TRPM6: variants seen among roughly 807,000 people sequenced by gnomAD.
TRPM6 encodes the protein channel kinase 2.
Under a neutral mutation model 247.6 loss-of-function variants are expected in TRPM6, and 111 were observed. That is an observed-to-expected ratio of 0.45 (90% CI 0.38 to 0.52). The LOEUF (loss-of-function observed/expected upper bound fraction) is 0.52, where lower values mean the gene tolerates loss of function less well. TRPM6 is among the 20% of genes least tolerant of loss of function. The pLI, the probability that TRPM6 is intolerant of heterozygous loss-of-function variation, is 0.00. For missense variants in TRPM6, 2,126 were observed against 2,421.5 expected (o/e 0.88, Z 2.56); for synonymous variants, 892 against 853.8 (o/e 1.04, Z -0.78).
chr9:74,776,094 A>G lies in TRPM6; in HGVS notation c.3210-18T>C. 6.3e-7 allele frequency: 1 copy of G among 1,599,206 alleles called. No individual in the cohort carries two copies. Among genetic ancestry groups the G allele is most frequent in the Non-Finnish European group, 8.6e-7 (1 of 1,166,546 alleles). ...AAACGTTGCTGTAAGATGAAGTAAG[A>G]GAGGGACAATGTTTTAATATGAAGT... is the stretch of plus-strand genomic sequence containing the variant. On this transcript the variant is annotated intron_variant, in intron 23 of 38. Coordinates refer to ENST00000360774, the MANE Select transcript of TRPM6 (RefSeq NM_017662.5).
chr9:74,764,040 C>T (rs978812294), intron 25 of TRPM6, among the ~76,000 whole-genome samples: 1 of 151,404 alleles, frequency 6.6e-6, no homozygotes, highest in African/African-American at 2.4e-5. Context: ...ATCCCTGCTA[C>T]TCAGGAGACT....
intron 4 of TRPM6, among the ~76,000 whole-genome samples, chr9:74,841,464 T>C (rs1829936230): frequency 1.3e-5 from 2 of 152,086 alleles, no homozygotes; most frequent in South Asian, 2.1e-4. Flanking sequence ...CTCCAGAACA[T>C]GACAGTAATT....
intron 1 of TRPM6, among the ~76,000 whole-genome samples, chr9:74,882,767 T>C (rs1831403567): frequency 6.6e-6 from 1 of 152,216 alleles, no homozygotes; most frequent in Non-Finnish European, 1.5e-5. Context: ...TGAGTATTCA[T>C]CCAGCTGAAA....
intron 21 of TRPM6, among the ~76,000 whole-genome samples, chr9:74,784,774 G>T (rs1277959955): frequency 6.6e-6 from 1 of 152,124 alleles, no homozygotes; most frequent in Non-Finnish European, 1.5e-5. Context: ...GTGGTTATAT[G>T]GAAGGCAGTG....
intron 14 of TRPM6, among the ~76,000 whole-genome samples, chr9:74,804,251 T>C (rs896431159): frequency 2.6e-5 from 4 of 152,146 alleles, no homozygotes; most frequent in African/African-American, 9.7e-5. Context: ...TTTACAGTTC[T>C]GATAAGAAAA....
chr9:74,885,937 T>C (rs1448458336), intron 1 of TRPM6, among the ~76,000 whole-genome samples: 1 of 152,000 alleles, frequency 6.6e-6, no homozygotes, highest in Non-Finnish European at 1.5e-5. Flanking sequence ...GTGAGAAATT[T>C]GAAAAAGAAG....
chr9:74,836,631 T>G (rs764906195), intron 5 of TRPM6, among the ~76,000 whole-genome samples: 1 of 152,236 alleles, frequency 6.6e-6, no homozygotes, highest in African/African-American at 2.4e-5. Flanking sequence ...AAACCCAATT[T>G]GACCATGTTA....
At chr9:74,738,729 C>T in intron 35 of TRPM6, 117 bp from the exon 36 acceptor site, 1 of 871,088 alleles carries the variant, frequency 1.1e-6, no homozygotes, top group South Asian at 1.4e-5. Context: ...AGCCTCAATG[C>T]ACATGCCCTT....
At chr9:74,807,166 T>C (rs938549354) in intron 14 of TRPM6, among the ~76,000 whole-genome samples, 4 of 152,318 alleles carry the variant, frequency 2.6e-5, no homozygotes, top group Non-Finnish European at 5.9e-5. Context: ...TCACGTCACT[T>C]GATTCTTTAT....
rs1060499646 is a variant in TRPM6, at chr9:74,792,667, T to A, written c.2495A>T (p.Tyr832Phe). 2 of 1,614,008 alleles carry A rather than the reference T, an allele frequency of 1.2e-6. No homozygotes were observed. The highest frequency in any genetic ancestry group is 2.7e-5 in the African/African-American group (2 of 74,926). The change falls in exon 19 of 39, where the codon TAT (tyrosine) becomes TTT (phenylalanine). Residue 832 changes from tyrosine to phenylalanine, a missense_variant. This residue lies in a region of TRPM6 where 1,082 missense variants were observed against 1,307.9 expected (regional missense o/e 0.83). Transcript: ENST00000360774. ...HQHLPWTRKV[Y>F]EFYSAPIVKF... ...GACAATTGGAGCACTGTAGAACTCA[T>A]AGACTTTCCTGGTCCACGGAAGGTG...
intron 24 of TRPM6, among the ~76,000 whole-genome samples, chr9:74,773,500 C>G (rs1015207277): frequency 5.9e-5 from 9 of 152,220 alleles, no homozygotes; most frequent in African/African-American, 2.2e-4. Context: ...AAGGCTAACA[C>G]AATTCTTCAT....
At chr9:74,814,474 C>T (rs11144093) in intron 11 of TRPM6, among the ~76,000 whole-genome samples, 7,571 of 152,022 alleles carry the variant, frequency 0.05, 600 homozygotes, top group African/African-American at 0.17. Flanking sequence ...TAACAAAGGA[C>T]AAATGCTTGA....
At chr9:74,788,213 T>C (rs1335814495) in intron 20 of TRPM6, among the ~76,000 whole-genome samples, 1 of 151,982 alleles carries the variant, frequency 6.6e-6, no homozygotes, top group Non-Finnish European at 1.5e-5. Context: ...TTAGATGAAA[T>C]TGATAATATG....
chr9:74,755,341 G>A lies in TRPM6; in HGVS notation c.4906+12C>T. On this transcript the variant is annotated intron_variant, in intron 28 of 38. Transcript: ENST00000360774. ...AGGGTTTTTGGGATCCAAAATTGTA[G>A]ATGTTACATACCTGTGTGACTAAAT... 6.2e-7 allele frequency: 1 copy of A among 1,613,880 alleles called. No individual in the cohort carries two copies. Among genetic ancestry groups the A allele is most frequent in the Non-Finnish European group, 8.5e-7 (1 of 1,179,928 alleles).
intron 5 of TRPM6, among the ~76,000 whole-genome samples, chr9:74,837,720 A>C (rs1207888726): frequency 6.7e-6 from 1 of 149,386 alleles, no homozygotes; most frequent in Non-Finnish European, 1.5e-5. Context: ...TGTTGGGATT[A>C]CAGGTGTGAG....
Position 74,724,549 on chromosome 9 carries a change from T to A in TRPM6, c.*64A>T. The stretch of plus-strand genomic sequence containing the variant: ...ATGTAATCAACATCACGTTGATCAA[T>A]CTATGTTATCACAGAGTTCCTGGCA... On this transcript the variant is annotated 3_prime_UTR_variant, in exon 39 of 39. Transcript: ENST00000360774. 11 of 1,611,560 alleles carry A rather than the reference T, an allele frequency of 6.8e-6. No individual in the cohort carries two copies. Among genetic ancestry groups the A allele is most frequent in the Non-Finnish European group, 9.3e-6 (11 of 1,178,396 alleles).
chr9:74,867,700 C>T (rs1830892917), intron 1 of TRPM6, among the ~76,000 whole-genome samples: 1 of 152,186 alleles, frequency 6.6e-6, no homozygotes, highest in Non-Finnish European at 1.5e-5. Flanking sequence ...CCTTGGGAAG[C>T]TTGCGAAGTG....
chr9:74,825,290 A>T (rs1829293217), intron 7 of TRPM6, among the ~76,000 whole-genome samples: 1 of 152,084 alleles, frequency 6.6e-6, no homozygotes. Context: ...CAAATAAATC[A>T]ACCACTAGTT....
At position 74,762,431 on chromosome 9, in the gene TRPM6, G is replaced by A; in HGVS notation, c.4240C>T (p.Leu1414=). ...KEKHEPIAHL[L]DGQDKAEQVL... The stretch of plus-strand genomic sequence containing the variant: ...TGCTCTGCCTTGTCTTGTCCATCCA[G>A]TAAGTGAGCAATAGGCTCGTGCTTT... The change falls in exon 26 of 39, where the codon CTG becomes TTG. Residue 1414 remains leucine (L), a synonymous_variant. Transcript: ENST00000360774. 6.2e-7 allele frequency: 1 copy of A among 1,614,202 alleles called. No homozygotes were observed. Among genetic ancestry groups the A allele is most frequent in the Non-Finnish European group, 8.5e-7 (1 of 1,180,034 alleles).
Sources: allele counts gnomAD v4.1 joint callset (sites outside exome capture counted in the v4.1 genomes callset), GRCh38; gene constraint gnomAD v4.1.1; regional missense constraint gnomAD v4.1.1; transcripts MANE v1.5; gene names NCBI Gene and HGNC (gene_info 2026-07-23, HGNC 2026-07-21).